KIF2C: variants seen among roughly 807,000 people sequenced by gnomAD.
KIF2C encodes the protein kinesin family member 2C.
Under a neutral mutation model 97.4 loss-of-function variants are expected in KIF2C, and 34 were observed. The ratio of observed to expected loss-of-function variants is 0.35; its 90% CI spans 0.27 to 0.46. The LOEUF (loss-of-function observed/expected upper bound fraction) is 0.46. Among genes scored for constraint, KIF2C ranks in the 20% least tolerant of loss-of-function variants. The pLI, the probability that KIF2C is intolerant of heterozygous loss-of-function variation, is 1.00. For synonymous variants in KIF2C, 313 were observed against 318.2 expected (o/e 0.98, Z 0.17); for missense variants, 750 against 907.6 (o/e 0.83, Z 2.23).
At position 44,739,990 on chromosome 1, in the gene KIF2C, C is replaced by G. The variant is rs1648851759; in HGVS notation, c.58C>G (p.Gln20Glu). 1 of 1,614,128 alleles carries G rather than the reference C, an allele frequency of 6.2e-7. No homozygotes were observed. Among genetic ancestry groups the G allele is most frequent in the African/African-American group, 1.3e-5 (1 of 74,942 alleles). ...RLFPGLAIKI[Q>E]RSNGLIHSAN... ...GTTTCCCGGTCTCGCTATCAAGATC[C>G]AACGCAGTAATGGTGAGGAGCGGGG... The change falls in exon 1 of 21, where the codon CAA (glutamine) becomes GAA (glutamate). Residue 20 changes from glutamine to glutamate, a missense_variant. Coordinates refer to ENST00000372224, the MANE Select transcript of KIF2C (RefSeq NM_006845.4).
chr1:44,743,401 A>G (rs540068211), intron 2 of KIF2C, among the ~76,000 whole-genome samples: 1 of 152,180 alleles, frequency 6.6e-6, no homozygotes, highest in African/African-American at 2.4e-5. Flanking sequence ...TACTCAGCAC[A>G]TTTTTTGGAC....
chr1:44,745,005 C>T (rs900729017), intron 2 of KIF2C, among the ~76,000 whole-genome samples: 4 of 151,960 alleles, frequency 2.6e-5, no homozygotes, highest in African/African-American at 7.3e-5. Context: ...GCCTGGCCAA[C>T]GTGGTAAAAC....
At chr1:44,740,086 G>A in intron 1 of KIF2C, 84 bp downstream of exon 1, 1 of 1,480,208 alleles carries the variant, frequency 6.8e-7, no homozygotes, top group Non-Finnish European at 9.5e-7. Context: ...CACACAGATG[G>A]GCTTTCACTC....
chr1:44,767,169 G>C lies in KIF2C; in HGVS notation c.2168G>C (p.Arg723Pro), dbSNP rs201647887. The C allele has an allele frequency of 6.2e-7, 1 of 1,614,024 alleles. No individual in the cohort carries two copies. ...AGCAGACAAATAAGCAGCAAGAAAC[G>C]GCCCCAGTGACGACTGCAAATAAAA... is the stretch of plus-strand genomic sequence containing the variant. ...QASRQISSKK[R>P]PQ is the part of the protein sequence containing the mutation. The change falls in exon 21 of 21, where the codon CGG becomes CCG. Residue 723 changes from arginine (R) to proline (P), a missense_variant. Coordinates refer to ENST00000372224, the MANE Select transcript of KIF2C (RefSeq NM_006845.4).
At chr1:44,747,756 C>T in intron 4 of KIF2C, 56 bp downstream of exon 4, 3 of 1,521,766 alleles carry the variant, frequency 2.0e-6, no homozygotes, top group Non-Finnish European at 1.8e-6. Context: ...AATTATGTTT[C>T]TAGGACTCAG....
Position 44,758,051 on chromosome 1 carries a change from C to T in KIF2C, c.1135C>T (p.Arg379Trp), listed in dbSNP as rs773377381. Residue 379 changes from arginine (R) to tryptophan (W), a missense_variant and splice_region_variant, in exon 13 of 21, where the codon CGG (arginine) becomes TGG (tryptophan). Arg to Trp is a moderately radical substitution (Grantham distance 101, BLOSUM62 -3). Coordinates refer to ENST00000372224, the MANE Select transcript of KIF2C (RefSeq NM_006845.4). Reference protein sequence around the residue: ...ASKGIYAMASRDVFLLKNQPC... With the variant: ...ASKGIYAMASWDVFLLKNQPC... ...CTTAGCAAAGTTCTCTCCCTCAGCC[C>T]GGGACGTCTTCCTCCTGAAGAATCA... 6.8e-6 allele frequency: 11 copies of T among 1,614,020 alleles called. No homozygotes were observed. The highest frequency in any genetic ancestry group is 2.7e-5 in the African/African-American group (2 of 74,900).
chr1:44,766,861 C>T lies in KIF2C; in HGVS notation c.2007C>T (p.Thr669=), dbSNP rs780649177. ...GPDWLELSEM[T]EQPDYDLETF... ...ACTGGCTTGAGCTCTCTGAGATGAC[C>T]GAGCAGCCAGACTATGACCTGGAGA... Residue 669 remains threonine, a synonymous_variant, in exon 20 of 21, where the codon ACC becomes ACT. Transcript: ENST00000372224. 2.4e-5 allele frequency: 38 copies of T among 1,614,082 alleles called. No individual in the cohort carries two copies. Among genetic ancestry groups the T allele is most frequent in the Non-Finnish European group, 3.1e-5 (37 of 1,180,042 alleles).
At position 44,760,656 on chromosome 1, in the gene KIF2C, A is replaced by G; in HGVS notation, c.1637A>G (p.Gln546Arg). 6.2e-7 allele frequency: 1 copy of G among 1,614,204 alleles called. No individual in the cohort carries two copies. Among genetic ancestry groups the G allele is most frequent in the Non-Finnish European group, 8.5e-7 (1 of 1,180,028 alleles). The change falls in exon 16 of 21, where the codon CAG (glutamine) becomes CGG (arginine). Residue 546 changes from glutamine to arginine, a missense_variant. Physicochemically the swap from Gln to Arg is conservative, Grantham distance 43. Transcript: ENST00000372224. The surrounding 1 kb of genome is among the most constrained non-coding windows in gnomAD (Gnocchi z 4.2). The part of the protein sequence containing the change: ...HTPFRESKLT[Q>R]VLRDSFIGEN... Reference sequence around the variant, plus strand: ...CCGTTCCGTGAGAGCAAGCTGACACAGGTGCTGAGGGACTCCTTCATTGGG... The same window carrying G: ...CCGTTCCGTGAGAGCAAGCTGACACGGGTGCTGAGGGACTCCTTCATTGGG...
At chr1:44,742,248 T>C (rs961352157) in intron 2 of KIF2C, among the ~76,000 whole-genome samples, 5 of 151,520 alleles carry the variant, frequency 3.3e-5, no homozygotes, top group African/African-American at 1.2e-4. Flanking sequence ...TAACTGGTAC[T>C]ACAGGTGCCC....
At chr1:44,758,273 T>A in intron 13 of KIF2C, 133 bp downstream of exon 13, 1 of 728,246 alleles carries the variant, frequency 1.4e-6, no homozygotes, top group East Asian at 2.7e-5. Context: ...CATTCTGCCC[T>A]GGCATACACA....
At chr1:44,744,807 G>C (rs1297665808) in intron 2 of KIF2C, among the ~76,000 whole-genome samples, 2 of 152,130 alleles carry the variant, frequency 1.3e-5, no homozygotes, top group Non-Finnish European at 2.9e-5. Flanking sequence ...GGCTGAGGCG[G>C]AAGAATCGCT....
intron 9 of KIF2C, 34 bp downstream of exon 9, chr1:44,756,017 C>G: frequency 6.2e-7 from 1 of 1,614,046 alleles, no homozygotes. Context: ...AGGCTTCAGA[C>G]TGACTAATGG....
At chr1:44,766,227 C>CA (rs753169636) in intron 19 of KIF2C, among the ~76,000 whole-genome samples, 103 of 151,030 alleles carry the variant, frequency 6.8e-4, no homozygotes, top group Non-Finnish European at 1.4e-3. Context: ...GACTCCATCT[C>CA]AAAAAACAAT....
At chr1:44,754,024 G>A (rs377515270) in intron 7 of KIF2C, among the ~76,000 whole-genome samples, 191 bp downstream of exon 7, 7 of 129,526 alleles carry the variant, frequency 5.4e-5, no homozygotes, top group Non-Finnish European at 1.1e-4. Flanking sequence ...GTGTGATCTC[G>A]GCTCACTGCA....
At chr1:44,745,915 C>T (rs190364254) in intron 2 of KIF2C, among the ~76,000 whole-genome samples, 18 of 149,632 alleles carry the variant, frequency 1.2e-4, no homozygotes, top group East Asian at 8.0e-4. Context: ...CTCGCTGTGT[C>T]GCCCAGGCTG....
intron 8 of KIF2C, among the ~76,000 whole-genome samples, 179 bp from the exon 9 acceptor site, chr1:44,755,750 C>T (rs1011606614): frequency 6.6e-6 from 1 of 152,148 alleles, no homozygotes; most frequent in Admixed American, 6.5e-5. Flanking sequence ...GGAACAAAAT[C>T]CAGTGCTCCC....
chr1:44,756,454 A>G (rs2148829203), intron 10 of KIF2C, among the ~76,000 whole-genome samples: 1 of 151,556 alleles, frequency 6.6e-6, no homozygotes, highest in Admixed American at 6.6e-5. Flanking sequence ...AGGGCTGGCC[A>G]GGCTCCAGGG....
chr1:44,766,823 T>C lies in KIF2C; in HGVS notation c.1972-3T>C, dbSNP rs1573582872. The C allele has an allele frequency of 1.2e-6, 2 of 1,613,940 alleles. No individual in the cohort carries two copies. The highest frequency in any genetic ancestry group is 1.7e-5 in the Admixed American group (1 of 59,996). ...AACTGACAAGGTCCTCCCTGTGTTG[T>C]AGCAAGGACCAGACTGGCTTGAGCT... On this transcript the variant is annotated splice_region_variant and splice_polypyrimidine_tract_variant and intron_variant, in intron 19 of 20. Coordinates refer to ENST00000372224, the MANE Select transcript of KIF2C (RefSeq NM_006845.4).
In KIF2C at chr1:44,765,252, C is replaced by T. The variant is rs1650390627; in HGVS notation, c.1972-1574C>T. Among the ~76,000 whole-genome samples, 3 of 151,894 alleles carry T rather than the reference C, an allele frequency of 2.0e-5. No homozygotes were observed. In the South Asian group the frequency reaches 6.2e-4, roughly 32 times the overall value. On this transcript the variant is annotated intron_variant, in intron 19 of 20. Coordinates refer to ENST00000372224, the MANE Select transcript of KIF2C (RefSeq NM_006845.4). ...CAGCCTGGGTAACATGGCCCCATCT[C>T]TACAAAAAATAAAAATAAATAAATA...
Sources: gnomAD v4.1 joint callset for allele counts (sites outside exome capture counted in the v4.1 genomes callset) on GRCh38, gnomAD v4.1.1 for gene constraint, Gnocchi (gnomAD v3.1) non-coding constraint, MANE v1.5 for transcripts, NCBI Gene and HGNC (gene_info 2026-07-23, HGNC 2026-07-21) for gene names.